The following OBSL1 variants were observed in gnomAD, a reference collection of about 807,000 sequenced individuals.
OBSL1 encodes obscurin like cytoskeletal adaptor 1.
In OBSL1, 160 loss-of-function variants were observed where a neutral mutation model predicts 172.0. That is an observed-to-expected ratio of 0.93 (90% CI 0.82 to 1.06). The LOEUF (loss-of-function observed/expected upper bound fraction) is 1.06, where lower values mean the gene tolerates loss of function less well. OBSL1 is among the 50% of genes least tolerant of loss of function. The probability of loss-of-function intolerance (pLI) is 0.00; values close to 1 mark genes in which losing one functional copy is unlikely to be tolerated. For synonymous variants in OBSL1, 1,200 were observed against 1,196.3 expected (o/e 1.00, Z -0.06); for missense variants, 2,681 against 2,715.4 (o/e 0.99, Z 0.28).
chr2:219,571,075 G>T lies in OBSL1; in HGVS notation c.158C>A (p.Ala53Glu). ...VVWEKGGQQLAASERLSFPAD... is the reference protein window; with the variant it reads ...VVWEKGGQQLEASERLSFPAD... ...CGGGAAGCTCAGGCGTTCCGAGGCCGCCAGCTGCTGCCCGCCCTTCTCCCA... is the reference window on the plus strand; with the variant it reads ...CGGGAAGCTCAGGCGTTCCGAGGCCTCCAGCTGCTGCCCGCCCTTCTCCCA... The change falls in exon 1 of 21, where the codon GCG (alanine) becomes GAG (glutamate). Residue 53 changes from alanine (A) to glutamate (E), a missense_variant. Coordinates refer to ENST00000404537, the MANE Select transcript of OBSL1 (RefSeq NM_015311.3). 1 of 1,465,378 alleles carries T rather than the reference G, an allele frequency of 6.8e-7. No homozygotes were observed. 90.8% of individuals were successfully genotyped at this position (1,465,378 alleles called of 1,614,324 possible). A position where few individuals can be genotyped will look rare whatever the true frequency, so the allele number is the denominator to read the frequency against.
At chr2:219,549,744 C>G, downstream of OBSL1, 2 of 1,613,856 alleles carry the variant, frequency 1.2e-6, no homozygotes, top group Non-Finnish European at 1.7e-6. Context: ...CCGAGACCGG[C>G]AGACCGGGAG....
chr2:219,559,728 A>C (rs1574546135), intron 8 of OBSL1: 1 of 518,646 alleles, frequency 1.9e-6, no homozygotes, highest in Non-Finnish European at 3.4e-6. Context: ...TCTATCACAT[A>C]CCTTCCTCAG....
In OBSL1 at chr2:219,568,387, TACC is replaced by T. The variant is rs751155792; in HGVS notation, c.1013-66_1013-64del. ...GAGAAGGCCCAGACTAGGAGTAGGA[TACC>T]TAGAAGCGCATTAGCTCATGCTGTG... On this transcript the variant is annotated intron_variant, in intron 1 of 20. Transcript: ENST00000404537. This position sits in a 1 kb window ranked among gnomAD's most constrained non-coding sequence, Gnocchi z 4.1. 3.8e-4 allele frequency: 559 copies of T among 1,467,162 alleles called. No homozygotes were observed. Among genetic ancestry groups the T allele is most frequent in the Non-Finnish European group, 3.3e-4 (356 of 1,089,860 alleles). The allele number at this position is 1,467,162 out of a possible 1,614,324, so 90.9% of individuals were successfully genotyped here.
intron 13 of OBSL1, 22 bp from the exon 14 acceptor site, chr2:219,556,314 A>G (rs200147035): frequency 3.2e-6 from 5 of 1,570,996 alleles, no homozygotes; most frequent in African/African-American, 2.7e-5. Flanking sequence ...GAAGGAGGCC[A>G]TGGAGTCTGG....
Position 219,563,605 on chromosome 2 carries a change from GT to G in OBSL1, c.2429del (p.Asp810AlafsTer11), listed in dbSNP as rs754251355. On this transcript the variant is annotated frameshift_variant, in exon 7 of 21. Transcript: ENST00000404537. LOFTEE classifies it high-confidence loss of function. ...CATGCACGAACACATGTTCTCGGGG[GT>G]CCACGATGTGCACGGGAGGATCTGG... is the stretch of plus-strand genomic sequence containing the variant. ...TVQDPPVHIV[D>X]PREHVFVHAI... 1 of 1,613,280 alleles carries G rather than the reference GT, an allele frequency of 6.2e-7. No individual in the cohort carries two copies. Among genetic ancestry groups the G allele is most frequent in the Non-Finnish European group, 8.5e-7 (1 of 1,179,534 alleles).
At position 219,551,619 on chromosome 2, in the gene OBSL1, G is replaced by A. The variant is rs370898052; in HGVS notation, c.5593C>T (p.Leu1865=). The change falls in exon 20 of 21, where the codon CTG becomes TTG. Residue 1865 remains leucine, a synonymous_variant. Transcript: ENST00000404537. ...EMRSHGPTHS[L]VIHDVRPEDQ... ...TCAGGTCGAACGTCATGGATGACCAGGCTGTGGGTGGGGCCGTGGCTGCGC... is the reference window on the plus strand; with the variant it reads ...TCAGGTCGAACGTCATGGATGACCAAGCTGTGGGTGGGGCCGTGGCTGCGC... 11 of 1,611,572 alleles carry A rather than the reference G, an allele frequency of 6.8e-6. No individual in the cohort carries two copies. The highest frequency in any genetic ancestry group is 2.2e-5 in the South Asian group (2 of 90,518).
At chr2:219,549,796 A>AT (rs770617429), downstream of OBSL1, 1 of 1,614,058 alleles carries the variant, frequency 6.2e-7, no homozygotes, top group Non-Finnish European at 8.5e-7. Flanking sequence ...GATGCGGACT[A>AT]TGAGTATGGG....
chr2:219,551,472 C>T lies in OBSL1; in HGVS notation c.5683+57G>A, dbSNP rs528117358. On this transcript the variant is annotated intron_variant, in intron 20 of 20. Transcript: ENST00000404537. ...AAAGCCTCCCATAGGTGTGGCTTAA[C>T]CCATCAGCTCCCAGGCGCCCTCACC... 23 of 1,508,384 alleles carry T rather than the reference C, an allele frequency of 1.5e-5. No homozygotes were observed. In the South Asian group the frequency reaches 2.6e-4, roughly 17 times the overall value. The allele number at this position is 1,508,384 out of a possible 1,614,324, so 93.4% of individuals were successfully genotyped here. A position where few individuals can be genotyped will look rare whatever the true frequency, so the allele number is the denominator to read the frequency against.
chr2:219,555,792 G>A (rs1301975493), intron 14 of OBSL1: 22 of 1,382,572 alleles, frequency 1.6e-5, no homozygotes, highest in African/African-American at 1.0e-4. Flanking sequence ...TAGCAAAGCC[G>A]ACTTGGAAAT....
At chr2:219,552,827 G>A (rs543188667) in intron 17 of OBSL1, 41 bp downstream of exon 17, 2 of 1,538,632 alleles carry the variant, frequency 1.3e-6, no homozygotes, top group East Asian at 2.5e-5. Flanking sequence ...CAAGTCTCGC[G>A]CCCAAAGCAG....
In OBSL1 at chr2:219,566,986, C is replaced by T; in HGVS notation, c.1978G>A (p.Glu660Lys). The T allele has an allele frequency of 6.2e-7, 1 of 1,613,786 alleles. No individual in the cohort carries two copies. ...NGEELKSNEP[E>K]GQVEPGALRY... The stretch of plus-strand genomic sequence containing the variant: ...AGGGCCCCAGGTTCCACCTGGCCCT[C>T]CGGCTCGTTACTCTTGAGCTCTTCC... The change falls in exon 5 of 21, where the codon GAG becomes AAG. Residue 660 changes from glutamate to lysine, a missense_variant. Physicochemically the swap from Glu to Lys is moderately conservative, Grantham distance 56. Transcript: ENST00000404537.
chr2:219,552,627 C>T lies in OBSL1; in HGVS notation c.5217G>A (p.Glu1739=), dbSNP rs1407283123. ...SAREGDGATF[E]CTVSEVETTG... The stretch of plus-strand genomic sequence containing the variant: ...TGGTCTCGACCTCCGACACGGTGCA[C>T]TCGAACGTAGCGCCGTCGCCTTCGC... The change falls in exon 18 of 21, where the codon GAG becomes GAA. Residue 1739 remains glutamate, a synonymous_variant. Coordinates refer to ENST00000404537, the MANE Select transcript of OBSL1 (RefSeq NM_015311.3). 3.8e-6 allele frequency: 6 copies of T among 1,566,074 alleles called. No individual in the cohort carries two copies. The Admixed American group carries it at 1.1e-4, about 28-fold the overall frequency.
chr2:219,566,959 G>A lies in OBSL1; in HGVS notation c.2005C>T (p.Arg669Trp), dbSNP rs768202370. 16 of 1,613,742 alleles carry A rather than the reference G, an allele frequency of 9.9e-6. No homozygotes were observed. Among genetic ancestry groups the A allele is most frequent in the South Asian group, 8.8e-5 (8 of 91,082 alleles). The stretch of plus-strand genomic sequence containing the variant: ...AGACCCTTCTGCTCTATACGGTACC[G>A]CAGGGCCCCAGGTTCCACCTGGCCC... The part of the protein sequence containing the change: ...PEGQVEPGAL[R>W]YRIEQKGLQH... The change falls in exon 5 of 21, where the codon CGG (arginine) becomes TGG (tryptophan). Residue 669 changes from arginine (R) to tryptophan (W), a missense_variant. Coordinates refer to ENST00000404537, the MANE Select transcript of OBSL1 (RefSeq NM_015311.3).
rs1378326244 is a variant in OBSL1, at chr2:219,552,718, T to A, written c.5147-21A>T. 2.6e-6 allele frequency: 4 copies of A among 1,513,270 alleles called. No homozygotes were observed. The Admixed American group carries it at 6.0e-5, about 23-fold the overall frequency. 93.7% of individuals were successfully genotyped at this position (1,513,270 alleles called of 1,614,324 possible). ...ACGCTCTGGGGCGGAGCCCGGGGCG[T>A]GAGCGGGGCGGGGCAGAGGGCAGTT... On this transcript the variant is annotated intron_variant, in intron 17 of 20. Transcript: ENST00000404537.
intron 16 of OBSL1, 106 bp downstream of exon 16, chr2:219,553,468 C>T (rs1019687198): frequency 1.4e-5 from 12 of 849,414 alleles, no homozygotes; most frequent in Admixed American, 4.0e-5. Flanking sequence ...CAAATCTTAG[C>T]ACAGTGCCAG....
rs1174601018 is a variant in OBSL1, at chr2:219,557,880, A to C, written c.3733T>G (p.Cys1245Gly). ...AGPAHAGLYT[C>G]QSGAAPGAPS... is the part of the protein sequence containing the mutation. ...GCTCCGGGGGCTGCTCCAGACTGGC[A>C]GGTGTAGAGCCCTGCATGGGCTGGG... Residue 1245 changes from cysteine (C) to glycine (G), a missense_variant, in exon 11 of 21, where the codon TGC becomes GGC. Physicochemically the swap from Cys to Gly is radical, Grantham distance 159 (BLOSUM62 -3). Around this residue, in one of 5 missense-constraint regions of OBSL1, gnomAD observed 1,765 missense variants for 1,748.3 expected, o/e 1.01. Coordinates refer to ENST00000404537, the MANE Select transcript of OBSL1 (RefSeq NM_015311.3). The C allele has an allele frequency of 6.2e-7, 1 of 1,601,478 alleles. No individual in the cohort carries two copies. Among genetic ancestry groups the C allele is most frequent in the African/African-American group, 1.3e-5 (1 of 75,010 alleles).
intron 9 of OBSL1, 120 bp downstream of exon 9, chr2:219,559,105 C>T (rs1696261292): frequency 2.0e-6 from 2 of 1,007,784 alleles, no homozygotes; most frequent in East Asian, 5.0e-5. Flanking sequence ...GATGGCCAAA[C>T]ATGAGGAAGC....
Position 219,562,502 on chromosome 2 carries a change from A to G in OBSL1, c.2853T>C (p.Thr951=), listed in dbSNP as rs902792025. 2 of 1,613,872 alleles carry G rather than the reference A, an allele frequency of 1.2e-6. No individual in the cohort carries two copies. Among genetic ancestry groups the G allele is most frequent in the African/African-American group, 1.3e-5 (1 of 74,924 alleles). ...SPALLLQKED[T]VRRLVLPAVQ... is the part of the protein sequence containing the mutation. ...CAGCGGGCAGCACCAGGCGGCGGAC[A>G]GTGTCTTCCTTCTGCAGGAGCAGCG... Residue 951 remains threonine (T), a synonymous_variant, in exon 8 of 21, where the codon ACT becomes ACC. Coordinates refer to ENST00000404537, the MANE Select transcript of OBSL1 (RefSeq NM_015311.3).
chr2:219,559,745 C>T (rs181273225), intron 8 of OBSL1: 119 of 486,322 alleles, frequency 2.4e-4, no homozygotes, highest in African/African-American at 1.8e-3. Context: ...TCAGCCCCCA[C>T]GGGAGCCTCC....
Sources: allele counts gnomAD v4.1 joint callset, GRCh38; gene constraint gnomAD v4.1.1; regional missense constraint gnomAD v4.1.1; non-coding constraint Gnocchi (gnomAD v3.1); transcripts MANE v1.5; gene names NCBI Gene and HGNC (gene_info 2026-07-23, HGNC 2026-07-21).